NOX4: variants seen among roughly 807,000 people sequenced by gnomAD.
The protein encoded by NOX4 is NADPH oxidase 4.
NOX4 carries 69 observed loss-of-function variants against 87.6 expected under a neutral mutation model. That is an observed-to-expected ratio of 0.79 (90% CI 0.65 to 0.96). The LOEUF is 0.96. Ranked by LOEUF, NOX4 falls within the 40% of genes least tolerant of loss-of-function variation. The pLI is 0.00. For synonymous variants in NOX4, 275 were observed against 238.2 expected (o/e 1.15, Z -1.42); for missense variants, 680 against 681.5 (o/e 1.00, Z 0.02).
In NOX4 at chr11:89,460,256, G is replaced by C. The variant is rs187003521; in HGVS notation, c.154-8361C>G. Among the ~76,000 whole-genome samples the C allele has an allele frequency of 3.7e-3, 562 of 152,204 alleles. 4 individuals carry two copies. Among genetic ancestry groups the C allele is most frequent in the African/African-American group, 0.013 (538 of 41,526 alleles). ...CATTCAGGACATACACATGAGCAAG[G>C]ACTTCATGTCTAAAACACCAAAAGC... On this transcript the variant is annotated intron_variant, in intron 2 of 17. Coordinates refer to ENST00000263317, the MANE Select transcript of NOX4 (RefSeq NM_016931.5).
At position 89,378,146 on chromosome 11, in the gene NOX4, T is replaced by C. The variant is rs1939992263; in HGVS notation, c.1075-4654A>G. 2.6e-5 allele frequency among the ~76,000 whole-genome samples: 4 copies of C among 152,154 alleles called. No homozygotes were observed. In the South Asian group the frequency reaches 8.3e-4, roughly 31 times the overall value. On this transcript the variant is annotated intron_variant, in intron 11 of 17. Coordinates refer to ENST00000263317, the MANE Select transcript of NOX4 (RefSeq NM_016931.5). ...GTGTCACCCTGTGAAAAACCACCCA[T>C]ATTCTTTCTGTCCTATTGCCTATGG...
At chr11:89,555,651 G>A in the NOX4 span, among the ~76,000 whole-genome samples, 1 of 152,192 alleles carries the variant, frequency 6.6e-6, no homozygotes, top group South Asian at 2.1e-4. Context: ...GGGAAAGGCA[G>A]GCTAAGTGTA....
At chr11:89,510,978 A>G in the NOX4 span, among the ~76,000 whole-genome samples, 1 of 152,044 alleles carries the variant, frequency 6.6e-6, no homozygotes, top group Non-Finnish European at 1.5e-5. Flanking sequence ...CCTGCTTCAA[A>G]AGTCCCAGAT....
At chr11:89,429,898 C>T (rs998385722) in intron 7 of NOX4, among the ~76,000 whole-genome samples, 3 of 152,008 alleles carry the variant, frequency 2.0e-5, no homozygotes, top group Non-Finnish European at 4.4e-5. Context: ...AGAGACACAA[C>T]AAAAAAAGAG....
chr11:89,539,439 A>T, the NOX4 span, among the ~76,000 whole-genome samples: 1 of 152,134 alleles, frequency 6.6e-6, no homozygotes, highest in Non-Finnish European at 1.5e-5. Context: ...CTCAAAAAAA[A>T]AATTAATATA....
At chr11:89,377,304 T>C (rs1028414816) in intron 11 of NOX4, among the ~76,000 whole-genome samples, 1 of 152,174 alleles carries the variant, frequency 6.6e-6, no homozygotes, top group African/African-American at 2.4e-5. Flanking sequence ...AACATGAAAA[T>C]GTTGCTGAAT....
intron 12 of NOX4, among the ~76,000 whole-genome samples, chr11:89,367,829 C>A (rs1281493019): frequency 6.6e-6 from 1 of 152,064 alleles, no homozygotes; most frequent in African/African-American, 2.4e-5. Flanking sequence ...TATTTGGATG[C>A]CACCCCAGCC....
At chr11:89,397,919 C>G (rs925543771) in intron 11 of NOX4, among the ~76,000 whole-genome samples, 1 of 152,006 alleles carries the variant, frequency 6.6e-6, no homozygotes, top group Non-Finnish European at 1.5e-5. Context: ...CCTTCTGAAA[C>G]TATTCCAATC....
upstream of NOX4, among the ~76,000 whole-genome samples, chr11:89,499,509 A>C (rs1453275203): frequency 1.3e-5 from 2 of 152,204 alleles, no homozygotes; most frequent in African/African-American, 4.8e-5. Flanking sequence ...TAAATAAACA[A>C]ATAAACTTGA....
chr11:89,572,016 A>G, the NOX4 span, among the ~76,000 whole-genome samples: 1 of 152,186 alleles, frequency 6.6e-6, no homozygotes, highest in Non-Finnish European at 1.5e-5. Flanking sequence ...CAAGGACTCA[A>G]AAGAATACAG....
chr11:89,512,358 C>T, the NOX4 span, among the ~76,000 whole-genome samples: 62 of 152,152 alleles, frequency 4.1e-4, no homozygotes, highest in African/African-American at 1.4e-3. Context: ...CTATGTTTTA[C>T]AGCAGATCTC....
chr11:89,353,495 A>G (rs1244132747), intron 13 of NOX4, among the ~76,000 whole-genome samples: 2 of 152,206 alleles, frequency 1.3e-5, no homozygotes, highest in Non-Finnish European at 2.9e-5. Flanking sequence ...AGGGATGTAC[A>G]TAGTATTTCT....
At chr11:89,454,981 G>A (rs946277103) in intron 2 of NOX4, among the ~76,000 whole-genome samples, 2 of 151,954 alleles carry the variant, frequency 1.3e-5, no homozygotes. Flanking sequence ...TTAAAACTAA[G>A]GCAAAAAATG....
the NOX4 span, among the ~76,000 whole-genome samples, chr11:89,530,040 T>C: frequency 1.3e-5 from 2 of 152,148 alleles, no homozygotes; most frequent in Non-Finnish European, 2.9e-5. Flanking sequence ...ACATATTTTA[T>C]TGTTAAACAT....
the NOX4 span, among the ~76,000 whole-genome samples, chr11:89,560,531 G>T: frequency 6.6e-6 from 1 of 152,152 alleles, no homozygotes; most frequent in East Asian, 1.9e-4. Flanking sequence ...TTTCCATGAG[G>T]TATGTCTGTG....
At chr11:89,485,908 C>T (rs1191570020) in intron 2 of NOX4, among the ~76,000 whole-genome samples, 2 of 151,952 alleles carry the variant, frequency 1.3e-5, no homozygotes, top group African/African-American at 4.8e-5. Flanking sequence ...AGGAAGTGCA[C>T]AGTCTGATTA....
the NOX4 span, among the ~76,000 whole-genome samples, chr11:89,503,201 T>G: frequency 6.6e-6 from 1 of 151,982 alleles, no homozygotes. Context: ...AGCCAAATTT[T>G]CAGTTGCAAA....
chr11:89,360,424 A>T (rs1399045227), intron 12 of NOX4, among the ~76,000 whole-genome samples: 2 of 152,136 alleles, frequency 1.3e-5, no homozygotes, highest in South Asian at 2.1e-4. Flanking sequence ...TTCACAATGC[A>T]TATGTATACC....
intron 12 of NOX4, among the ~76,000 whole-genome samples, chr11:89,360,932 TA>T (rs1394142643): frequency 6.6e-6 from 1 of 151,930 alleles, no homozygotes; most frequent in Non-Finnish European, 1.5e-5. Context: ...TGGCCACAAT[TA>T]AAAAGTCTAA....
Sources: gnomAD v4.1 joint callset for allele counts (sites outside exome capture counted in the v4.1 genomes callset) on GRCh38, gnomAD v4.1.1 for gene constraint, MANE v1.5 for transcripts, NCBI Gene and HGNC (gene_info 2026-07-23, HGNC 2026-07-21) for gene names.